The following MAP2 variants were observed in gnomAD, a reference collection of about 807,000 sequenced individuals.
MAP2 encodes the protein microtubule-associated protein 2.
Under a neutral mutation model 137.6 loss-of-function variants are expected in MAP2, and 14 were observed. The observed-to-expected ratio is 0.10, with a 90% CI of 0.07 to 0.16. MAP2 has a LOEUF of 0.16. Ranked by LOEUF, MAP2 falls within the 10% of genes least tolerant of loss-of-function variation. The probability of loss-of-function intolerance (pLI) is 1.00; values close to 1 mark genes in which losing one functional copy is unlikely to be tolerated. For synonymous variants in MAP2, 786 were observed against 782.3 expected (o/e 1.00, Z -0.08); for missense variants, 2,088 against 2,191.5 (o/e 0.95, Z 0.94).
At chr2:209,559,752 T>C (rs1027697034) in intron 2 of MAP2, among the ~76,000 whole-genome samples, 7 of 152,102 alleles carry the variant, frequency 4.6e-5, no homozygotes, top group Non-Finnish European at 7.4e-5. Context: ...TCAACACTTC[T>C]CTGCTTTCTG....
intron 3 of MAP2, among the ~76,000 whole-genome samples, chr2:209,584,625 T>G (rs6726061): frequency 6.6e-6 from 1 of 151,896 alleles, no homozygotes; most frequent in Non-Finnish European, 1.5e-5. Context: ...ATTTGTTTTA[T>G]AGCTCTGTGT....
At chr2:209,659,999 C>T (rs2042672585) in intron 5 of MAP2, among the ~76,000 whole-genome samples, 1 of 152,048 alleles carries the variant, frequency 6.6e-6, no homozygotes. Flanking sequence ...GATGGCGCCA[C>T]TGCACTCCAG....
intron 2 of MAP2, among the ~76,000 whole-genome samples, chr2:209,537,237 T>C (rs560109139): frequency 2.0e-5 from 3 of 152,328 alleles, no homozygotes; most frequent in African/African-American, 7.2e-5. Context: ...GTATCTGTTA[T>C]GGTGATCTGT....
At chr2:209,604,473 T>G (rs1328236313) in intron 3 of MAP2, among the ~76,000 whole-genome samples, 1 of 152,104 alleles carries the variant, frequency 6.6e-6, no homozygotes, top group African/African-American at 2.4e-5. Flanking sequence ...GGTGATACAT[T>G]TGTTCTCTAA....
intron 1 of MAP2, among the ~76,000 whole-genome samples, chr2:209,476,381 C>T (rs1411357594): frequency 2.1e-5 from 3 of 143,436 alleles, no homozygotes; most frequent in East Asian, 2.1e-4. Context: ...GTCCTCCCCA[C>T]GATTTGTTTT....
intron 5 of MAP2, among the ~76,000 whole-genome samples, chr2:209,654,877 G>A (rs1462150105): frequency 6.6e-6 from 1 of 152,128 alleles, no homozygotes; most frequent in African/African-American, 2.4e-5. Context: ...AATTCAAAAA[G>A]AAGAAAGTCC....
intron 1 of MAP2, among the ~76,000 whole-genome samples, chr2:209,489,195 G>A (rs1377056183): frequency 1.3e-5 from 2 of 152,254 alleles, no homozygotes; most frequent in East Asian, 3.9e-4. Flanking sequence ...TGCAGAAGAG[G>A]GACCTGACTG....
intron 9 of MAP2, 56 bp from the exon 10 acceptor site, chr2:209,696,861 G>T (rs2060305871): frequency 1.3e-6 from 2 of 1,565,734 alleles, no homozygotes; most frequent in South Asian, 1.2e-5. Context: ...GTTCGGTTTT[G>T]CTCCACGTGT....
chr2:209,699,095 C>T (rs2153731358), intron 10 of MAP2, among the ~76,000 whole-genome samples: 1 of 152,280 alleles, frequency 6.6e-6, no homozygotes, highest in East Asian at 1.9e-4. Context: ...AAGCATGTAT[C>T]AGATGTAGGT....
At chr2:209,435,939 A>ATATATT (rs1559159017) in intron 1 of MAP2, among the ~76,000 whole-genome samples, 1 of 69,060 alleles carries the variant, frequency 1.4e-5, no homozygotes, top group East Asian at 1.4e-3. Flanking sequence ...TTATATATAT[A>ATATATT]ATATATACTA....
chr2:209,473,878 T>C (rs1362019423), intron 1 of MAP2, among the ~76,000 whole-genome samples: 1 of 152,186 alleles, frequency 6.6e-6, no homozygotes, highest in Non-Finnish European at 1.5e-5. Context: ...ACAGCATATA[T>C]TTTAAAAAAA....
intron 7 of MAP2, among the ~76,000 whole-genome samples, chr2:209,691,373 A>G (rs2058848912): frequency 6.6e-6 from 1 of 152,108 alleles, no homozygotes; most frequent in South Asian, 2.1e-4. Flanking sequence ...TGCTTCTCAT[A>G]TCATTTTCTC....
intron 4 of MAP2, among the ~76,000 whole-genome samples, chr2:209,635,346 T>C (rs16843292): frequency 0.013 from 1,930 of 152,248 alleles, 47 homozygotes; most frequent in African/African-American, 0.044. Flanking sequence ...GCATAGCCAG[T>C]TAAAAACTCA....
chr2:209,690,636 A>T (rs1338250429), intron 7 of MAP2: 1 of 1,288,980 alleles, frequency 7.8e-7, no homozygotes, highest in Non-Finnish European at 1.0e-6. Context: ...ATGGCTGAGG[A>T]AGAGAAACCT....
chr2:209,661,657 A>G (rs1013084647), intron 5 of MAP2: 32 of 985,352 alleles, frequency 3.2e-5, no homozygotes, highest in Non-Finnish European at 3.6e-5. Flanking sequence ...ACAAGGATTG[A>G]TAGAAAAGGC....
intron 1 of MAP2, among the ~76,000 whole-genome samples, chr2:209,498,333 C>T (rs2059992373): frequency 6.6e-6 from 1 of 152,224 alleles, no homozygotes; most frequent in East Asian, 1.9e-4. Flanking sequence ...TTTAGCTTTG[C>T]AGGGTGCATC....
chr2:209,552,182 C>A (rs1053242089), intron 2 of MAP2, among the ~76,000 whole-genome samples: 7 of 152,050 alleles, frequency 4.6e-5, no homozygotes, highest in South Asian at 2.1e-4. Flanking sequence ...ACAAAAATGT[C>A]TATAATAAAA....
At chr2:209,526,366 T>C (rs143531275) in intron 2 of MAP2, among the ~76,000 whole-genome samples, 28 of 152,036 alleles carry the variant, frequency 1.8e-4, no homozygotes, top group Non-Finnish European at 2.9e-4. Context: ...GCCTGAGAAT[T>C]CTGGAAGTGG....
intron 14 of MAP2, 115 bp downstream of exon 14, chr2:209,725,905 T>A: frequency 1.7e-6 from 1 of 574,012 alleles, no homozygotes; most frequent in Non-Finnish European, 3.0e-6. Flanking sequence ...AAAATATGGG[T>A]ACTTCACATT....
Sources: allele counts gnomAD v4.1 joint callset (sites outside exome capture counted in the v4.1 genomes callset), GRCh38; gene constraint gnomAD v4.1.1; transcripts MANE v1.5; gene names NCBI Gene and HGNC (gene_info 2026-07-23, HGNC 2026-07-21).